MACROD2: variants seen among roughly 807,000 people sequenced by gnomAD.
MACROD2 encodes the protein mono-ADP ribosylhydrolase 2.
A neutral mutation model predicts 70.4 loss-of-function variants in MACROD2; 36 were observed. The ratio of observed to expected loss-of-function variants is 0.51; its 90% CI spans 0.39 to 0.68. The LOEUF (loss-of-function observed/expected upper bound fraction) is 0.68. Ranked by LOEUF, MACROD2 falls within the 30% of genes least tolerant of loss-of-function variation. MACROD2 has a pLI of 0.00. For missense variants in MACROD2, 496 were observed against 538.4 expected (o/e 0.92, Z 0.78); for synonymous variants, 172 against 178.8 (o/e 0.96, Z 0.30).
intron 5 of MACROD2, among the ~76,000 whole-genome samples, chr20:15,054,338 G>T (rs2075466194): frequency 6.6e-6 from 1 of 152,028 alleles, no homozygotes; most frequent in Non-Finnish European, 1.5e-5. Flanking sequence ...TAACTTCTTT[G>T]TTGTCCTATT....
chr20:14,664,073 C>T (rs2070709986), intron 4 of MACROD2, among the ~76,000 whole-genome samples: 1 of 151,948 alleles, frequency 6.6e-6, no homozygotes, highest in Non-Finnish European at 1.5e-5. Context: ...CACTGTTGAA[C>T]AACATATTTT....
intron 8 of MACROD2, among the ~76,000 whole-genome samples, chr20:15,727,124 G>A (rs913567383): frequency 6.6e-6 from 1 of 152,042 alleles, no homozygotes; most frequent in African/African-American, 2.4e-5. Flanking sequence ...TTTTGTATAT[G>A]CTATAAGGAA....
rs533045804 is a variant in MACROD2, at chr20:16,001,388, G to T, written c.1153+14230G>T. Among the ~76,000 whole-genome samples, 3 of 152,258 alleles carry T rather than the reference G, an allele frequency of 2.0e-5. No individual in the cohort carries two copies. The South Asian group carries it at 6.2e-4, about 32-fold the overall frequency. Reference sequence around the variant, plus strand: ...GATTAAGAAAAAAGAGAAAAAGGGAGGCAAGCATTTGAACAATAGCAAGGG... The same window carrying T: ...GATTAAGAAAAAAGAGAAAAAGGGATGCAAGCATTTGAACAATAGCAAGGG... On this transcript the variant is annotated intron_variant, in intron 15 of 17. Coordinates refer to ENST00000684519, the MANE Select transcript of MACROD2 (RefSeq NM_001351661.2).
rs968950879 is a variant in MACROD2, at chr20:14,956,999, G to A, written c.418+272040G>A. Reference sequence around the variant, plus strand: ...GATATTTTCCTCTAAGCTAATTACAGTGTTACTTTATTTGTACTTATCTTT... The same window carrying A: ...GATATTTTCCTCTAAGCTAATTACAATGTTACTTTATTTGTACTTATCTTT... On this transcript the variant is annotated intron_variant, in intron 5 of 17. Transcript: ENST00000684519. Among the ~76,000 whole-genome samples the A allele has an allele frequency of 4.6e-5, 7 of 152,096 alleles. No homozygotes were observed. The East Asian group carries it at 1.2e-3, about 25-fold the overall frequency.
chr20:15,027,707 T>TA (rs35450737), intron 5 of MACROD2, among the ~76,000 whole-genome samples: 206 of 131,000 alleles, frequency 1.6e-3, no homozygotes, highest in Middle Eastern at 3.9e-3. Flanking sequence ...ACTCTCTAAT[T>TA]AAAAAAAAAA....
intron 5 of MACROD2, among the ~76,000 whole-genome samples, chr20:14,781,162 C>A (rs557920113): frequency 1.4e-4 from 21 of 152,184 alleles, no homozygotes; most frequent in Non-Finnish European, 7.4e-5. Context: ...TCAGCTGCAA[C>A]TTTGTATCCA....
intron 8 of MACROD2, among the ~76,000 whole-genome samples, chr20:15,685,403 C>A (rs1205882253): frequency 6.6e-6 from 1 of 152,174 alleles, no homozygotes; most frequent in Non-Finnish European, 1.5e-5. Context: ...ACCTTCTCTG[C>A]TAAACCAGGA....
rs566089221 is a variant in MACROD2 at position 15,455,231 on chromosome 20, A to G, written c.571+23796A>G. 2.0e-5 allele frequency among the ~76,000 whole-genome samples: 3 copies of G among 152,328 alleles called. No homozygotes were observed. The East Asian group carries it at 5.8e-4, about 29-fold the overall frequency. ...CAATGGGCCCATTTAACAGAAAAAC[A>G]GCAGAACACTCAGCATTCCTTTTTA... On this transcript the variant is annotated intron_variant, in intron 7 of 17. Coordinates refer to ENST00000684519, the MANE Select transcript of MACROD2 (RefSeq NM_001351661.2).
intron 5 of MACROD2, among the ~76,000 whole-genome samples, chr20:15,182,325 T>G (rs1489990432): frequency 6.6e-6 from 1 of 152,190 alleles, no homozygotes; most frequent in Non-Finnish European, 1.5e-5. Context: ...TAATGCTGAC[T>G]TTAATCTCCA....
At chr20:14,383,916 C>T (rs1339679095) in intron 3 of MACROD2, among the ~76,000 whole-genome samples, 1 of 152,040 alleles carries the variant, frequency 6.6e-6, no homozygotes, top group Non-Finnish European at 1.5e-5. Flanking sequence ...TCCATTAAAT[C>T]ATTTACCAGG....
intron 5 of MACROD2, among the ~76,000 whole-genome samples, chr20:14,874,328 G>T (rs1321719646): frequency 7.9e-6 from 1 of 126,940 alleles, no homozygotes. Context: ...ATTTATTGAG[G>T]TGCTGTCCTT....
Position 15,217,972 on chromosome 20 carries a change from T to C in MACROD2, c.419-11968T>C, listed in dbSNP as rs73260708. ...AATGAATTATGTTGGAAAGGCTCAG[T>C]GATATATTCTCTTCCCCTCACTGAT... is the stretch of plus-strand genomic sequence containing the variant. On this transcript the variant is annotated intron_variant, in intron 5 of 17. Transcript: ENST00000684519. 8.4e-3 allele frequency among the ~76,000 whole-genome samples: 1,277 copies of C among 152,258 alleles called. 22 individuals are homozygous for C. Among genetic ancestry groups the C allele is most frequent in the African/African-American group, 0.028 (1,179 of 41,542 alleles).
intron 6 of MACROD2, among the ~76,000 whole-genome samples, chr20:15,371,678 T>G (rs1398633695): frequency 6.6e-6 from 1 of 152,188 alleles, no homozygotes; most frequent in Non-Finnish European, 1.5e-5. Flanking sequence ...TCTAGGGGGA[T>G]AGCCAAGAGT....
intron 3 of MACROD2, among the ~76,000 whole-genome samples, chr20:14,417,914 G>A (rs986133820): frequency 6.6e-6 from 1 of 152,178 alleles, no homozygotes; most frequent in Non-Finnish European, 1.5e-5. Flanking sequence ...TGTGAGATAT[G>A]ATGGATTTTA....
At chr20:14,061,408 A>G (rs1209793469) in intron 2 of MACROD2, among the ~76,000 whole-genome samples, 1 of 152,152 alleles carries the variant, frequency 6.6e-6, no homozygotes, top group Non-Finnish European at 1.5e-5. Context: ...GAGTTTTGGT[A>G]AATGTTTCTC....
chr20:14,839,577 T>C (rs2073065684), intron 5 of MACROD2, among the ~76,000 whole-genome samples: 1 of 152,108 alleles, frequency 6.6e-6, no homozygotes, highest in South Asian at 2.1e-4. Flanking sequence ...AATTGGTTCC[T>C]AAGTAATTTT....
chr20:14,132,141 A>T (rs1355711003), intron 3 of MACROD2, among the ~76,000 whole-genome samples: 1 of 151,160 alleles, frequency 6.6e-6, no homozygotes, highest in African/African-American at 2.4e-5. Flanking sequence ...AAAAAAAAAA[A>T]AAAAAAAGAT....
chr20:14,293,515 C>G (rs1172277569), intron 3 of MACROD2, among the ~76,000 whole-genome samples: 1 of 151,530 alleles, frequency 6.6e-6, no homozygotes, highest in African/African-American at 2.4e-5. Flanking sequence ...GGAAAAAGAT[C>G]TATTTCAAGA....
chr20:15,438,995 A>T (rs2046461743), intron 7 of MACROD2, among the ~76,000 whole-genome samples: 3 of 152,196 alleles, frequency 2.0e-5, no homozygotes, highest in Non-Finnish European at 4.4e-5. Flanking sequence ...CTCAAACTGG[A>T]AGTTTGTATT....
Sources: gnomAD v4.1 joint callset for allele counts (sites outside exome capture counted in the v4.1 genomes callset) on GRCh38, gnomAD v4.1.1 for gene constraint, MANE v1.5 for transcripts, NCBI Gene and HGNC (gene_info 2026-07-23, HGNC 2026-07-21) for gene names.